The following MYRF variants were observed in gnomAD, a reference collection of about 807,000 sequenced individuals.
MYRF encodes the protein myelin gene regulatory factor.
In MYRF, 16 loss-of-function variants were observed where a neutral mutation model predicts 126.3. The observed-to-expected ratio is 0.13, with a 90% confidence interval of 0.09 to 0.19. The LOEUF is 0.19. MYRF is among the 10% of genes least tolerant of loss of function. MYRF has a pLI of 1.00. For synonymous variants in MYRF, 608 were observed against 635.3 expected (o/e 0.96, Z 0.65); for missense variants, 1,104 against 1,547.0 (o/e 0.71, Z 4.80).
intron 1 of MYRF, among the ~76,000 whole-genome samples, chr11:61,764,959 A>C (rs2066012585): frequency 6.6e-6 from 1 of 152,230 alleles, no homozygotes. Context: ...GCCTGTGCCC[A>C]ACAGGGTGAT....
chr11:61,780,524 G>A (rs2066513510), intron 18 of MYRF, among the ~76,000 whole-genome samples, 188 bp from the exon 19 acceptor site: 1 of 152,174 alleles, frequency 6.6e-6, no homozygotes, highest in African/African-American at 2.4e-5. Context: ...CCAGGTAGCT[G>A]GGCCTGCGAG....
chr11:61,764,357 A>G (rs1000224871), intron 1 of MYRF, among the ~76,000 whole-genome samples: 5 of 152,192 alleles, frequency 3.3e-5, no homozygotes, highest in Non-Finnish European at 7.4e-5. Context: ...GGCACTTCAC[A>G]CACCTCATCT....
intron 2 of MYRF, 65 bp from the exon 3 acceptor site, chr11:61,765,893 G>T: frequency 6.9e-7 from 1 of 1,457,790 alleles, no homozygotes; most frequent in South Asian, 1.4e-5. Context: ...TGCAGGGAGG[G>T]GGCGGCTACT....
intron 1 of MYRF, 33 bp downstream of exon 1, chr11:61,752,823 C>G (rs1221135135): frequency 6.7e-7 from 1 of 1,482,742 alleles, no homozygotes; most frequent in Non-Finnish European, 8.9e-7. Flanking sequence ...CGGCGACCCT[C>G]TGGCGCTGGG....
At chr11:61,773,657 C>T (rs2066287361) in intron 7 of MYRF, among the ~76,000 whole-genome samples, 1 of 152,168 alleles carries the variant, frequency 6.6e-6, no homozygotes, top group South Asian at 2.1e-4. Context: ...CAAGCCCTCC[C>T]CCACTCAGGA....
intron 4 of MYRF, among the ~76,000 whole-genome samples, chr11:61,769,939 GC>G (rs1355071769): frequency 1.3e-5 from 2 of 151,982 alleles, no homozygotes; most frequent in African/African-American, 4.8e-5. Flanking sequence ...GGAGGAGCAG[GC>G]CTCAGAGGAG....
intron 4 of MYRF, among the ~76,000 whole-genome samples, 175 bp from the exon 5 acceptor site, chr11:61,770,071 C>T (rs1256308512): frequency 6.6e-6 from 1 of 151,902 alleles, no homozygotes; most frequent in Non-Finnish European, 1.5e-5. Flanking sequence ...GCCTCCCTGC[C>T]CAGGCCTCTA....
chr11:61,770,647 G>A, intron 5 of MYRF, 122 bp downstream of exon 5: 1 of 887,182 alleles, frequency 1.1e-6, no homozygotes, highest in East Asian at 2.7e-5. Context: ...GAGGGCAGAA[G>A]GCTCTGCAGG....
rs905053011 is a variant in MYRF, at chr11:61,780,905, C to G, written c.2487-55C>G. On this transcript the variant is annotated intron_variant, in intron 19 of 26. Transcript: ENST00000278836. ...CCTGCCTCTCCAGGACTGTCAGGCC[C>G]TCTCCCCTCAAGCTCTCCCAGCCCC... 11 of 1,600,860 alleles carry G rather than the reference C, an allele frequency of 6.9e-6. No individual in the cohort carries two copies. In the Admixed American group the frequency reaches 1.5e-4, roughly 22 times the overall value.
chr11:61,771,881 C>T lies in MYRF; in HGVS notation c.1044C>T (p.Tyr348=). ...GTGGCTCCTACCTGGACCCCAACTA[C>T]CAGTCCATCAAGTGGCAGCCTCATC... The part of the protein sequence containing the change: ...SLSGSYLDPN[Y]QSIKWQPHQQ... The change falls in exon 7 of 27, where the codon TAC becomes TAT. Residue 348 remains tyrosine (Y), a synonymous_variant. Transcript: ENST00000278836. 1 of 1,614,162 alleles carries T rather than the reference C, an allele frequency of 6.2e-7. No homozygotes were observed. The highest frequency in any genetic ancestry group is 8.5e-7 in the Non-Finnish European group (1 of 1,180,030).
At chr11:61,755,682 G>A (rs1281721593) in intron 1 of MYRF, 2 of 702,180 alleles carry the variant, frequency 2.8e-6, no homozygotes, top group Non-Finnish European at 5.3e-6. Flanking sequence ...CTCTGAAGAA[G>A]CTCACTGCCC....
chr11:61,764,861 C>T (rs1419903793), intron 1 of MYRF, among the ~76,000 whole-genome samples: 1 of 152,220 alleles, frequency 6.6e-6, no homozygotes, highest in Non-Finnish European at 1.5e-5. Flanking sequence ...GGAGCTCTGG[C>T]GGCCATCATT....
At position 61,765,339 on chromosome 11, in the gene MYRF, T is replaced by C. The variant is rs1414812783; in HGVS notation, c.47-286T>C. Among the ~76,000 whole-genome samples, 5 of 152,296 alleles carry C rather than the reference T, an allele frequency of 3.3e-5. No homozygotes were observed. In the East Asian group the frequency reaches 9.6e-4, roughly 29 times the overall value. On this transcript the variant is annotated intron_variant, in intron 1 of 26. Transcript: ENST00000278836. The stretch of plus-strand genomic sequence containing the variant: ...CCTGTCACACAGCTAGAAAGAGGCA[T>C]GGCAGGATCGGCCTCTCTGTACCCA...
intron 1 of MYRF, among the ~76,000 whole-genome samples, chr11:61,753,568 C>T (rs1035557264): frequency 6.6e-6 from 1 of 152,110 alleles, no homozygotes; most frequent in African/African-American, 2.4e-5. Context: ...TCCCACCAGC[C>T]CTCTGAGGCT....
chr11:61,757,182 A>T lies in MYRF; in HGVS notation c.46+4392A>T, dbSNP rs2135684866. ...ATGTGGGGCCTCCTCTCCTATCTCC[A>T]GGCCTTCAGCCCCGGCTGCCACGGG... On this transcript the variant is annotated intron_variant, in intron 1 of 26. Transcript: ENST00000278836. This position sits in a 1 kb window ranked among gnomAD's most constrained non-coding sequence, Gnocchi z 4.7. The T allele has an allele frequency of 2.2e-6, 1 of 456,220 alleles. No homozygotes were observed. Among genetic ancestry groups the T allele is most frequent in the African/African-American group, 2.0e-5 (1 of 49,856 alleles). 28.3% of individuals were successfully genotyped at this position (456,220 alleles called of 1,614,324 possible).
chr11:61,780,666 C>T lies in MYRF; in HGVS notation c.2406-46C>T, dbSNP rs1040321075. 1.0e-5 allele frequency: 16 copies of T among 1,525,828 alleles called. No homozygotes were observed. The African/African-American group carries it at 1.9e-4, about 18-fold the overall frequency. 94.5% of individuals were successfully genotyped at this position (1,525,828 alleles called of 1,614,324 possible). A position where few individuals can be genotyped will look rare whatever the true frequency, so the allele number is the denominator to read the frequency against. On this transcript the variant is annotated intron_variant, in intron 18 of 26. Transcript: ENST00000278836. ...CACCTCTGACTGTGTCTTCTCTTCT[C>T]TTCCCCTTTGCCTGTCTCACCCTTT...
intron 1 of MYRF, among the ~76,000 whole-genome samples, chr11:61,753,356 G>A (rs1457531540): frequency 6.6e-6 from 1 of 151,788 alleles, no homozygotes; most frequent in Non-Finnish European, 1.5e-5. Flanking sequence ...GTGCTTCCAT[G>A]AGGGTAGGAC....
At chr11:61,754,257 C>T (rs752188514) in intron 1 of MYRF, 5 of 152,420 alleles carry the variant, frequency 3.3e-5, no homozygotes, top group African/African-American at 1.2e-4. Flanking sequence ...TCATCCCACT[C>T]CAGGATTCTG....
rs1565299671 is a variant in MYRF at position 61,777,701 on chromosome 11, G to A, written c.1792-33G>A. ...GGGGCCTGCTCCGGGACGGCCGCAG[G>A]AGGGGTTCATTCCCGGGCCTGGCTC... On this transcript the variant is annotated intron_variant, in intron 12 of 26. Coordinates refer to ENST00000278836, the MANE Select transcript of MYRF (RefSeq NM_001127392.3). This position sits in a 1 kb window ranked among gnomAD's most constrained non-coding sequence, Gnocchi z 8.8. The A allele has an allele frequency of 6.5e-7, 1 of 1,540,510 alleles. No homozygotes were observed. The highest frequency in any genetic ancestry group is 8.8e-7 in the Non-Finnish European group (1 of 1,138,242).
Sources: allele counts gnomAD v4.1 joint callset (sites outside exome capture counted in the v4.1 genomes callset), GRCh38; gene constraint gnomAD v4.1.1; non-coding constraint Gnocchi (gnomAD v3.1); transcripts MANE v1.5; gene names NCBI Gene and HGNC (gene_info 2026-07-23, HGNC 2026-07-21).